The following NUP98 variants were observed in gnomAD, a reference collection of about 807,000 sequenced individuals.
NUP98 encodes nucleoporin 98 and 96 precursor, also known as nuclear pore complex protein Nup98-Nup96.
Under a neutral mutation model 191.9 loss-of-function variants are expected in NUP98, and 26 were observed. The ratio of observed to expected loss-of-function variants is 0.14; its 90% confidence interval spans 0.10 to 0.19. The LOEUF is 0.19. NUP98 is among the 10% of genes least tolerant of loss of function. The pLI is 1.00. For missense variants in NUP98, 1,941 were observed against 2,178.8 expected, an observed-to-expected ratio of 0.89 and a Z score of 2.17; for synonymous variants, 808 against 778.4, an observed-to-expected ratio of 1.04 and a Z score of -0.63.
At chr11:3,776,892 T>A (rs191410585) in intron 4 of NUP98, among the ~76,000 whole-genome samples, 1 of 152,304 alleles carries the variant, frequency 6.6e-6, no homozygotes, top group Admixed American at 6.5e-5. Flanking sequence ...CATAAAGCCC[T>A]AAGGTCACAC....
In NUP98 at chr11:3,679,665, C is replaced by T; in HGVS notation, c.4962G>A (p.Leu1654=). The T allele has an allele frequency of 6.2e-7, 1 of 1,614,142 alleles. No homozygotes were observed. The highest frequency in any genetic ancestry group is 2.2e-5 in the East Asian group (1 of 44,884). The change falls in exon 31 of 33, where the codon TTG becomes TTA. Residue 1654 remains leucine (L), a synonymous_variant. Coordinates refer to ENST00000324932, the MANE Select transcript of NUP98 (RefSeq NM_016320.5). ...TGCGCTCTGGAGGTGCCAGGTCTTC[C>T]AAGAACCCCTTCAGGTAGTCATAGT... ...NENYDYLKGF[L]EDLAPPERSS...
At chr11:3,795,501 A>T (rs1296122412) in intron 1 of NUP98, among the ~76,000 whole-genome samples, 1 of 152,128 alleles carries the variant, frequency 6.6e-6, no homozygotes, top group Non-Finnish European at 1.5e-5. Context: ...ACATATAAAC[A>T]GCAGGAACTA....
At chr11:3,779,742 C>T (rs879862357) in intron 2 of NUP98, among the ~76,000 whole-genome samples, 2 of 151,996 alleles carry the variant, frequency 1.3e-5, no homozygotes, top group African/African-American at 2.4e-5. Flanking sequence ...AACCAAGCCA[C>T]AGACATTTTA....
chr11:3,744,435 T>C (rs903312476), intron 12 of NUP98, 74 bp downstream of exon 12: 60 of 1,459,628 alleles, frequency 4.1e-5, no homozygotes, highest in Non-Finnish European at 5.5e-5. Flanking sequence ...ATGGGACAGG[T>C]GTAGGATGGA....
chr11:3,749,597 C>T (rs947544923), intron 11 of NUP98, among the ~76,000 whole-genome samples: 2 of 152,154 alleles, frequency 1.3e-5, no homozygotes, highest in East Asian at 1.9e-4. Flanking sequence ...TGTACTCCAG[C>T]CTGGCAACGA....
At chr11:3,702,303 ACACACACACACTCTCTCTCTCTCTCT>A (rs2078711905) in intron 23 of NUP98, among the ~76,000 whole-genome samples, 134 bp downstream of exon 23, 2 of 58,908 alleles carry the variant, frequency 3.4e-5, no homozygotes, top group Admixed American at 3.9e-4. Flanking sequence ...ACACACACAC[ACACACACACACTCTCTCTCTCTCTCT>A]CTCTCTCTCT....
rs1191580948 is a variant in NUP98 at position 3,782,137 on chromosome 11, T to C, written c.-20A>G. ...AAACATCTTCAAAATGAGTCTTTGT[T>C]TCAGAAAGCTGGGAAAAAGAAAACA... On this transcript the variant is annotated 5_prime_UTR_variant, in exon 2 of 33. Coordinates refer to ENST00000324932, the MANE Select transcript of NUP98 (RefSeq NM_016320.5). 24 of 1,565,970 alleles carry C rather than the reference T, an allele frequency of 1.5e-5. No homozygotes were observed. The highest frequency in any genetic ancestry group is 2.1e-5 in the Non-Finnish European group (24 of 1,142,386).
intron 28 of NUP98, among the ~76,000 whole-genome samples, chr11:3,687,321 C>T (rs1442481674): frequency 6.6e-6 from 1 of 152,180 alleles, no homozygotes; most frequent in East Asian, 1.9e-4. Flanking sequence ...AGTATTTTCT[C>T]CCAATCTATG....
chr11:3,715,142 A>C (rs1414119099), intron 18 of NUP98, among the ~76,000 whole-genome samples: 1 of 152,170 alleles, frequency 6.6e-6, no homozygotes, highest in Non-Finnish European at 1.5e-5. Context: ...ACATTGGCAG[A>C]CACATGGCAA....
chr11:3,773,531 C>G (rs2081602691), intron 6 of NUP98, 101 bp downstream of exon 6: 5 of 629,582 alleles, frequency 7.9e-6, no homozygotes, highest in Non-Finnish European at 1.0e-5. Context: ...TAAACCCAAA[C>G]TGAACCACTC....
intron 1 of NUP98, among the ~76,000 whole-genome samples, chr11:3,787,786 G>A (rs1291482850): frequency 1.1e-4 from 16 of 152,098 alleles, no homozygotes; most frequent in Admixed American, 1.0e-3. Context: ...GAGGTCAAGA[G>A]ATCGAGACCA....
intron 10 of NUP98, among the ~76,000 whole-genome samples, chr11:3,756,071 T>C (rs1009928978): frequency 2.6e-5 from 4 of 152,216 alleles, no homozygotes; most frequent in African/African-American, 9.6e-5. Context: ...CTAATAGCTA[T>C]GCCACAAAAA....
Position 3,693,276 on chromosome 11 carries a change from C to T in NUP98, c.4267G>A (p.Ala1423Thr). Reference sequence around the variant, plus strand: ...ATGCTGAGCGCCCTAGAAATGGAGGCTGTTGGTGGAAGCAAATACCAAAGA... The same window carrying T: ...ATGCTGAGCGCCCTAGAAATGGAGGTTGTTGGTGGAAGCAAATACCAAAGA... The part of the protein sequence containing the change: ...IHLWYLLPPT[A>T]SISRALSMYE... Residue 1423 changes from alanine (A) to threonine (T), a missense_variant, in exon 27 of 33, where the codon GCC (alanine) becomes ACC (threonine). Transcript: ENST00000324932. 6.2e-7 allele frequency: 1 copy of T among 1,614,140 alleles called. No individual in the cohort carries two copies. The highest frequency in any genetic ancestry group is 8.5e-7 in the Non-Finnish European group (1 of 1,180,020).
chr11:3,785,368 T>A (rs961896513), intron 1 of NUP98, among the ~76,000 whole-genome samples: 2 of 150,474 alleles, frequency 1.3e-5, no homozygotes, highest in African/African-American at 4.9e-5. Context: ...ATACCCACCA[T>A]CACTCATTTA....
intron 2 of NUP98, 115 bp from the exon 3 acceptor site, chr11:3,779,372 T>C (rs760433651): frequency 1.9e-5 from 17 of 908,964 alleles, no homozygotes; most frequent in African/African-American, 3.3e-5. Flanking sequence ...CTGTGCATGG[T>C]GGCTCACGCC....
chr11:3,771,525 A>T (rs2081531873), intron 7 of NUP98, among the ~76,000 whole-genome samples: 1 of 152,130 alleles, frequency 6.6e-6, no homozygotes, highest in Admixed American at 6.6e-5. Context: ...CAGATACGTC[A>T]CTGCTCAAAC....
chr11:3,796,276 C>T (rs771331557), intron 1 of NUP98, among the ~76,000 whole-genome samples: 3 of 152,198 alleles, frequency 2.0e-5, no homozygotes, highest in Non-Finnish European at 2.9e-5. Flanking sequence ...ACAACTACTA[C>T]AAACGGACTC....
chr11:3,728,795 A>T (rs960401693), intron 14 of NUP98, among the ~76,000 whole-genome samples: 3 of 152,198 alleles, frequency 2.0e-5, no homozygotes, highest in Admixed American at 6.5e-5. Context: ...ATATTGTGGT[A>T]ATTCAGGCAA....
chr11:3,726,777 C>T (rs2134251200), intron 14 of NUP98, among the ~76,000 whole-genome samples: 1 of 151,740 alleles, frequency 6.6e-6, no homozygotes, highest in Non-Finnish European at 1.5e-5. Flanking sequence ...AGATTACCAA[C>T]TTTTCTTTCT....
Sources: allele counts gnomAD v4.1 joint callset (sites outside exome capture counted in the v4.1 genomes callset), GRCh38; gene constraint gnomAD v4.1.1; transcripts MANE v1.5; gene names NCBI Gene and HGNC (gene_info 2026-07-23, HGNC 2026-07-21).